AFAP1L2: variants seen among roughly 807,000 people sequenced by gnomAD.
The protein encoded by AFAP1L2 is actin filament associated protein 1 like 2.
A neutral mutation model predicts 99.3 loss-of-function variants in AFAP1L2; 46 were observed. That is an observed-to-expected ratio of 0.46 (90% CI 0.37 to 0.59). The LOEUF (loss-of-function observed/expected upper bound fraction) is 0.59. AFAP1L2 is among the 20% of genes least tolerant of loss of function. The pLI is 0.00. For missense variants in AFAP1L2, 959 were observed against 1,034.9 expected (o/e 0.93, Z 1.01); for synonymous variants, 397 against 419.1 (o/e 0.95, Z 0.64).
intron 4 of AFAP1L2, among the ~76,000 whole-genome samples, chr10:114,326,718 T>G (rs973421050): frequency 6.6e-5 from 10 of 152,290 alleles, no homozygotes; most frequent in Non-Finnish European, 1.0e-4. Flanking sequence ...ATCCTTGCTA[T>G]GTGACTCCGA....
chr10:114,291,895 G>C (rs1204785337), downstream of AFAP1L2, among the ~76,000 whole-genome samples: 3 of 152,176 alleles, frequency 2.0e-5, no homozygotes, highest in Non-Finnish European at 4.4e-5. Flanking sequence ...ATGGGGGAGG[G>C]GCTGAGTGTG....
intron 1 of AFAP1L2, among the ~76,000 whole-genome samples, chr10:114,367,072 G>A (rs889074786): frequency 1.3e-5 from 2 of 152,218 alleles, no homozygotes; most frequent in Non-Finnish European, 2.9e-5. Context: ...CAGCTAAGAT[G>A]GCTGGGCTGC....
downstream of AFAP1L2, chr10:114,290,277 G>T (rs773604676): frequency 1.9e-6 from 3 of 1,550,550 alleles, no homozygotes; most frequent in East Asian, 7.3e-5. Context: ...AACCCAGCCC[G>T]TGCATGAATG....
chr10:114,304,655 G>A, intron 11 of AFAP1L2, 64 bp downstream of exon 11: 2 of 1,418,952 alleles, frequency 1.4e-6, no homozygotes, highest in Non-Finnish European at 1.9e-6. Flanking sequence ...CCTGGAGACT[G>A]GCAGCAAACA....
At chr10:114,292,729 G>A (rs930575429), downstream of AFAP1L2, among the ~76,000 whole-genome samples, 5 of 151,788 alleles carry the variant, frequency 3.3e-5, no homozygotes, top group African/African-American at 1.2e-4. Flanking sequence ...TTTTGAGACG[G>A]AGTTTTGCTC....
At chr10:114,290,151 T>G, downstream of AFAP1L2, 1 of 1,498,206 alleles carries the variant, frequency 6.7e-7, no homozygotes, top group Middle Eastern at 1.7e-4. Flanking sequence ...CTAGTAGCCT[T>G]GCACCTCTAC....
chr10:114,344,981 C>T (rs929805664), intron 1 of AFAP1L2, among the ~76,000 whole-genome samples: 15 of 151,910 alleles, frequency 9.9e-5, no homozygotes, highest in Admixed American at 3.3e-4. Flanking sequence ...CCTGTAATCC[C>T]AGCTACCCGG....
In AFAP1L2 at chr10:114,384,455, C is replaced by T. The variant is rs189041903; in HGVS notation, c.16+19985G>A. On this transcript the variant is annotated intron_variant, in intron 1 of 18. Transcript: ENST00000304129. ...GGCCGCTGTGAGCGTAGATGGAGGACATTCATCACTGGGAACACTTGCCAG... is the reference window on the plus strand; with the variant it reads ...GGCCGCTGTGAGCGTAGATGGAGGATATTCATCACTGGGAACACTTGCCAG... 1.1e-4 allele frequency among the ~76,000 whole-genome samples: 17 copies of T among 152,292 alleles called. No individual in the cohort carries two copies. The East Asian group carries it at 3.3e-3, about 29-fold the overall frequency.
chr10:114,388,449 C>A (rs1052962993), intron 1 of AFAP1L2, among the ~76,000 whole-genome samples: 2 of 152,192 alleles, frequency 1.3e-5, no homozygotes, highest in African/African-American at 4.8e-5. Context: ...CACCACCCCC[C>A]ACCATCACCA....
intron 1 of AFAP1L2, among the ~76,000 whole-genome samples, chr10:114,403,572 G>A (rs1159207358): frequency 6.6e-6 from 1 of 152,212 alleles, no homozygotes; most frequent in Non-Finnish European, 1.5e-5. Context: ...ATGGGGGAGG[G>A]GGGAGCGCCC....
At chr10:114,301,590 G>T in intron 12 of AFAP1L2, 125 bp from the exon 13 acceptor site, 1 of 684,546 alleles carries the variant, frequency 1.5e-6, no homozygotes, top group Non-Finnish European at 2.6e-6. Context: ...AGATCTGGGG[G>T]CTGACACTCA....
At chr10:114,343,381 G>A (rs1167659035) in intron 1 of AFAP1L2, among the ~76,000 whole-genome samples, 1 of 152,196 alleles carries the variant, frequency 6.6e-6, no homozygotes, top group Non-Finnish European at 1.5e-5. Context: ...CCGTCTGCAT[G>A]GGCAGCCTTT....
intron 1 of AFAP1L2, among the ~76,000 whole-genome samples, chr10:114,355,254 C>CTTTTT (rs1268520470): frequency 1.0e-5 from 1 of 97,694 alleles, no homozygotes; most frequent in Non-Finnish European, 1.8e-5. Context: ...TTCTCGCTCT[C>CTTTTT]TCTTTTTTTT....
chr10:114,291,813 G>A (rs2039629005), downstream of AFAP1L2, among the ~76,000 whole-genome samples: 1 of 152,236 alleles, frequency 6.6e-6, no homozygotes, highest in Admixed American at 6.5e-5. Context: ...TCTGGCGACT[G>A]CCTTTTGTGT....
intron 12 of AFAP1L2, chr10:114,301,790 CCTT>C: frequency 5.4e-6 from 2 of 368,848 alleles, no homozygotes. Context: ...ACAAAAAACC[CCTT>C]CTCATTTCAT....
At chr10:114,282,528 G>A in the AFAP1L2 span, 5 of 1,614,026 alleles carry the variant, frequency 3.1e-6, no homozygotes, top group East Asian at 4.5e-5. Flanking sequence ...GGAAGAGAGT[G>A]TTCCTAACCC....
intron 1 of AFAP1L2, among the ~76,000 whole-genome samples, chr10:114,376,740 A>G (rs1427182532): frequency 3.3e-5 from 5 of 152,250 alleles, no homozygotes. Context: ...CGTTACATCC[A>G]GAACTGTCGA....
intron 7 of AFAP1L2, among the ~76,000 whole-genome samples, chr10:114,311,597 G>A (rs905754824): frequency 4.6e-5 from 7 of 152,208 alleles, no homozygotes; most frequent in South Asian, 2.1e-4. Context: ...AGCTGTGAGC[G>A]CTTGTATGTC....
At chr10:114,374,481 G>A (rs1465043777) in intron 1 of AFAP1L2, among the ~76,000 whole-genome samples, 2 of 152,120 alleles carry the variant, frequency 1.3e-5, no homozygotes, top group Non-Finnish European at 2.9e-5. Flanking sequence ...CTGAGCGAGA[G>A]AGACTCCCCT....
Sources: gnomAD v4.1 joint callset for allele counts (sites outside exome capture counted in the v4.1 genomes callset) on GRCh38, gnomAD v4.1.1 for gene constraint, MANE v1.5 for transcripts, NCBI Gene and HGNC (gene_info 2026-07-23, HGNC 2026-07-21) for gene names.